The following INO80 variants were observed in gnomAD, a reference collection of about 807,000 sequenced individuals.
INO80 encodes INO80 complex ATPase subunit, also known as chromatin-remodeling ATPase INO80.
INO80 carries 20 observed loss-of-function variants against 203.4 expected under a neutral mutation model. The ratio of observed to expected loss-of-function variants is 0.10; its 90% CI spans 0.07 to 0.14. The LOEUF is 0.14. Among genes scored for constraint, INO80 ranks in the 10% least tolerant of loss-of-function variants. The pLI is 1.00. For missense variants in INO80, 1,419 were observed against 1,914.4 expected (o/e 0.74, Z 4.83); for synonymous variants, 726 against 685.2 (o/e 1.06, Z -0.93).
In INO80 at chr15:41,107,329, C is replaced by T. The variant is rs145728487; in HGVS notation, c.-44+8644G>A. On this transcript the variant is annotated intron_variant, in intron 1 of 35. Coordinates refer to ENST00000648947, the MANE Select transcript of INO80 (RefSeq NM_017553.3). Reference sequence around the variant, plus strand: ...CAGCCTGGTCAACAAGGTGAAACCCCATCTCTACTAAAAATACAAAAATTA... The same window carrying T: ...CAGCCTGGTCAACAAGGTGAAACCCTATCTCTACTAAAAATACAAAAATTA... Among the ~76,000 whole-genome samples the T allele has an allele frequency of 4.1e-3, 628 of 151,612 alleles. 8 individuals carry two copies. Among genetic ancestry groups the T allele is most frequent in the East Asian group, 0.031 (159 of 5,142 alleles).
At chr15:41,101,741 G>A (rs1172206443) in intron 1 of INO80, among the ~76,000 whole-genome samples, 2 of 151,726 alleles carry the variant, frequency 1.3e-5, no homozygotes, top group African/African-American at 2.4e-5. Context: ...TAGTAGAGAC[G>A]GGGTTTCACT....
In INO80 at chr15:41,116,056, C is replaced by G. The variant is rs1458352537; in HGVS notation, c.-127G>C. The G allele has an allele frequency of 2.3e-5, 9 of 395,436 alleles. No homozygotes were observed. Among genetic ancestry groups the G allele is most frequent in the Non-Finnish European group, 3.6e-5 (8 of 224,096 alleles). The allele number at this position is 395,436 out of a possible 1,614,324, so 24.5% of individuals were successfully genotyped here. On this transcript the variant is annotated 5_prime_UTR_variant, in exon 1 of 36. Coordinates refer to ENST00000648947, the MANE Select transcript of INO80 (RefSeq NM_017553.3). ...GGGTCCGGAGGGGGGGGTCGCCCCG[C>G]CGACGGTGGAGCCGCGGTTCGCTCT... is the stretch of plus-strand genomic sequence containing the variant.
At chr15:41,039,854 G>A (rs1183614896) in intron 24 of INO80, among the ~76,000 whole-genome samples, 1 of 152,202 alleles carries the variant, frequency 6.6e-6, no homozygotes, top group Non-Finnish European at 1.5e-5. Context: ...GCTCACATCG[G>A]TGGTTTCCAA....
At chr15:41,075,433 G>A (rs1433752742) in intron 9 of INO80, among the ~76,000 whole-genome samples, 2 of 151,892 alleles carry the variant, frequency 1.3e-5, no homozygotes, top group African/African-American at 2.4e-5. Flanking sequence ...CACAATGCCT[G>A]GCTAATTTTT....
intron 6 of INO80, among the ~76,000 whole-genome samples, chr15:41,086,033 C>A (rs2045557939): frequency 6.6e-6 from 1 of 151,862 alleles, no homozygotes; most frequent in Admixed American, 6.6e-5. Context: ...TTCTTTTGAA[C>A]CTAATAGGTA....
chr15:41,110,468 C>T (rs2045943168), intron 1 of INO80, among the ~76,000 whole-genome samples: 1 of 150,762 alleles, frequency 6.6e-6, no homozygotes, highest in Non-Finnish European at 1.5e-5. Context: ...TAGACAGGGT[C>T]TCGCTTGTCA....
chr15:41,074,224 C>T lies in INO80; in HGVS notation c.1327+146G>A, dbSNP rs573205778. On this transcript the variant is annotated intron_variant, in intron 10 of 35. Transcript: ENST00000648947. ...GTCTTATACTTCTGTTATAGAAACA[C>T]ACTTTCCCTACTCCAGTACAATAAA... The T allele has an allele frequency of 4.7e-5, 23 of 490,586 alleles. 1 individual carries two copies. The East Asian group carries it at 7.1e-4, about 15-fold the overall frequency. 30.4% of individuals were successfully genotyped at this position (490,586 alleles called of 1,614,324 possible).
intron 27 of INO80, among the ~76,000 whole-genome samples, chr15:41,006,814 AT>A (rs2044048006): frequency 6.6e-6 from 1 of 152,106 alleles, no homozygotes; most frequent in Non-Finnish European, 1.5e-5. Context: ...TGATTTTTTA[AT>A]TTTTTACCAT....
chr15:40,989,229 A>C (rs989052233), intron 29 of INO80, among the ~76,000 whole-genome samples: 1 of 152,226 alleles, frequency 6.6e-6, no homozygotes. Flanking sequence ...TTTCCCTAGA[A>C]TTCTCAGGCT....
intron 19 of INO80, 152 bp from the exon 20 acceptor site, chr15:41,050,254 T>G (rs1347789285): frequency 3.5e-6 from 2 of 564,762 alleles, no homozygotes; most frequent in African/African-American, 3.7e-5. Context: ...ATGTGGACAA[T>G]CATTCAGAAA....
rs748468951 is a variant in INO80, at chr15:41,047,479, G to C, written c.2664C>G (p.Phe888Leu). Residue 888 changes from phenylalanine to leucine, a missense_variant, in exon 23 of 36, where the codon TTC becomes TTG. Phe to Leu is a conservative substitution (Grantham distance 22). Around this residue, in one of 9 missense-constraint regions of INO80, gnomAD observed 302 missense variants for 345.4 expected, o/e 0.87. Coordinates refer to ENST00000648947, the MANE Select transcript of INO80 (RefSeq NM_017553.3). ...ATATATCAATAAAGCGAAGGAAAGA[G>C]AAACAGCTTTCTTCATTAATACCTG... Reference protein sequence around the residue: ...HRKGINEESCFSFLRFIDISP... With the variant: ...HRKGINEESCLSFLRFIDISP... 1.9e-6 allele frequency: 3 copies of C among 1,610,744 alleles called. No homozygotes were observed. Among genetic ancestry groups the C allele is most frequent in the Non-Finnish European group, 2.5e-6 (3 of 1,178,374 alleles).
intron 1 of INO80, among the ~76,000 whole-genome samples, chr15:41,112,957 C>T (rs1254748115): frequency 2.6e-5 from 4 of 151,764 alleles, no homozygotes; most frequent in Non-Finnish European, 4.4e-5. Context: ...GCTCTGTCGC[C>T]CAGGCTGGAG....
chr15:40,997,810 G>A (rs911717812), intron 28 of INO80: 3 of 434,662 alleles, frequency 6.9e-6, no homozygotes, highest in Non-Finnish European at 1.3e-5. Flanking sequence ...CCAATTTGCA[G>A]ATAAACTTTT....
intron 28 of INO80, among the ~76,000 whole-genome samples, chr15:41,000,078 C>T (rs1382567295): frequency 6.6e-6 from 1 of 152,104 alleles, no homozygotes; most frequent in African/African-American, 2.4e-5. Flanking sequence ...GCCTAAGCAA[C>T]AAAGTGAGAT....
chr15:41,021,261 A>C, intron 25 of INO80, 136 bp from the exon 26 acceptor site: 1 of 621,224 alleles, frequency 1.6e-6, no homozygotes, highest in Non-Finnish European at 2.8e-6. Flanking sequence ...GTTCTGGCAC[A>C]CTAAGCTGTC....
chr15:40,980,515 AC>A, intron 35 of INO80, 75 bp from the exon 36 acceptor site: 1 of 1,131,706 alleles, frequency 8.8e-7, no homozygotes, highest in Non-Finnish European at 1.3e-6. Flanking sequence ...GGCCTTGGTT[AC>A]CAGAGTCTGA....
intron 29 of INO80, among the ~76,000 whole-genome samples, chr15:40,992,548 G>A (rs941526507): frequency 1.3e-5 from 2 of 152,136 alleles, no homozygotes; most frequent in African/African-American, 4.8e-5. Flanking sequence ...GTCCATAAAT[G>A]GTTCTGGGGA....
intron 29 of INO80, among the ~76,000 whole-genome samples, chr15:40,989,983 C>G (rs181066947): frequency 6.6e-6 from 1 of 152,232 alleles, no homozygotes; most frequent in East Asian, 1.9e-4. Flanking sequence ...TTTCTCTTGC[C>G]TATAATAATG....
chr15:41,029,703 A>G (rs1161340906), intron 24 of INO80, among the ~76,000 whole-genome samples: 3 of 152,232 alleles, frequency 2.0e-5, no homozygotes, highest in Non-Finnish European at 4.4e-5. Flanking sequence ...GTTTATGCCC[A>G]TTATCACTTG....
Sources: gnomAD v4.1 joint callset for allele counts (sites outside exome capture counted in the v4.1 genomes callset) on GRCh38, gnomAD v4.1.1 for gene constraint, gnomAD v4.1.1 regional missense constraint, MANE v1.5 for transcripts, NCBI Gene and HGNC (gene_info 2026-07-23, HGNC 2026-07-21) for gene names.